CBX5: variants seen among roughly 807,000 people sequenced by gnomAD.
CBX5 encodes chromobox protein homolog 5.
CBX5 carries 7 observed loss-of-function variants against 20.7 expected under a neutral mutation model. The ratio of observed to expected loss-of-function variants is 0.34; its 90% CI spans 0.19 to 0.63. The LOEUF (loss-of-function observed/expected upper bound fraction) is 0.63. CBX5 is among the 30% of genes least tolerant of loss of function. The probability of loss-of-function intolerance (pLI) is 0.75; values close to 1 mark genes in which losing one functional copy is unlikely to be tolerated. For missense variants in CBX5, 110 were observed against 224.1 expected (o/e 0.49, Z 3.25); for synonymous variants, 78 against 77.0 (o/e 1.01, Z -0.07).
At chr12:54,250,528 G>A (rs927930225) in intron 3 of CBX5, among the ~76,000 whole-genome samples, 20 of 152,118 alleles carry the variant, frequency 1.3e-4, no homozygotes, top group African/African-American at 3.4e-4. Flanking sequence ...GGCCGGGGCC[G>A]GGCGCGGTGG....
chr12:54,261,295 TC>T (rs1402901782), intron 1 of CBX5, among the ~76,000 whole-genome samples: 2 of 151,690 alleles, frequency 1.3e-5, no homozygotes, highest in African/African-American at 2.4e-5. Context: ...GAAATTTTTT[TC>T]TTTTTTCTTT....
At chr12:54,272,475 G>C (rs547716313) in intron 1 of CBX5, 1 of 152,248 alleles carries the variant, frequency 6.6e-6, no homozygotes, top group South Asian at 2.1e-4. Context: ...GTTTAATTTT[G>C]ATGAACTACT....
At chr12:54,273,556 C>T (rs1159555720) in intron 1 of CBX5, 1 of 152,144 alleles carries the variant, frequency 6.6e-6, no homozygotes, top group Non-Finnish European at 1.5e-5. Flanking sequence ...AGAAATTTAT[C>T]CTGGTTCATC....
intron 1 of CBX5, among the ~76,000 whole-genome samples, chr12:54,266,547 G>A (rs1943958508): frequency 6.6e-6 from 1 of 152,110 alleles, no homozygotes; most frequent in Non-Finnish European, 1.5e-5. Context: ...AACATAGTGA[G>A]ACCTCCGCAA....
chr12:54,245,989 A>C, intron 4 of CBX5, 126 bp downstream of exon 4: 1 of 714,110 alleles, frequency 1.4e-6, no homozygotes, highest in Non-Finnish European at 2.5e-6. Context: ...GTCTCAAAAA[A>C]AGAAAGATCT....
chr12:54,267,906 G>C (rs905708471), intron 1 of CBX5, among the ~76,000 whole-genome samples: 2 of 152,212 alleles, frequency 1.3e-5, no homozygotes, highest in African/African-American at 2.4e-5. Context: ...CATTTTGGGA[G>C]GTGGAGGCAG....
chr12:54,273,296 AGCCGGGCACGGTG>A (rs1401452857), intron 1 of CBX5: 1 of 152,072 alleles, frequency 6.6e-6, no homozygotes, highest in Non-Finnish European at 1.5e-5. Flanking sequence ...TACATAAATT[AGCCGGGCACGGTG>A]GCAGGCACCT....
At chr12:54,277,286 C>CTCTG (rs1944078982) in intron 1 of CBX5, 1 of 152,228 alleles carries the variant, frequency 6.6e-6, no homozygotes, top group African/African-American at 2.4e-5. Flanking sequence ...TCACTGCAAC[C>CTCTG]TCTGCTTCCT....
chr12:54,271,720 A>G (rs1944012327), intron 1 of CBX5: 2 of 152,210 alleles, frequency 1.3e-5, no homozygotes, highest in Admixed American at 1.3e-4. Flanking sequence ...GAATTTATTC[A>G]TTTATTATAT....
intron 3 of CBX5, among the ~76,000 whole-genome samples, chr12:54,250,975 C>T (rs1943794539): frequency 1.3e-5 from 2 of 150,866 alleles, no homozygotes; most frequent in Non-Finnish European, 3.0e-5. Context: ...ACTAAAGATA[C>T]AAAAAATTAG....
intron 1 of CBX5, among the ~76,000 whole-genome samples, chr12:54,269,963 C>G (rs1444705627): frequency 2.0e-5 from 3 of 152,070 alleles, no homozygotes; most frequent in African/African-American, 7.2e-5. Context: ...GTATTCGTAT[C>G]GTTTTTCAAA....
rs773192089 is a variant in CBX5, at chr12:54,240,267, T to A, written c.*1488A>T. 1 of 152,122 alleles carries A rather than the reference T, an allele frequency of 6.6e-6. No homozygotes were observed. Among genetic ancestry groups the A allele is most frequent in the Non-Finnish European group, 1.5e-5 (1 of 68,018 alleles). 9.4% of individuals were successfully genotyped at this position (152,122 alleles called of 1,614,324 possible). ...GGATATGATCAGACAAATTTCTCAATAGCAACACAAGAAGAAACCAAAACG... is the reference window on the plus strand; with the variant it reads ...GGATATGATCAGACAAATTTCTCAAAAGCAACACAAGAAGAAACCAAAACG... On this transcript the variant is annotated 3_prime_UTR_variant, in exon 5 of 5. Coordinates refer to ENST00000209875, the MANE Select transcript of CBX5 (RefSeq NM_012117.3).
rs1943629858 is a variant in CBX5 at position 54,237,010 on chromosome 12, G to A, written c.*4745C>T. 1 of 152,224 alleles carries A rather than the reference G, an allele frequency of 6.6e-6. No individual in the cohort carries two copies. Among genetic ancestry groups the A allele is most frequent in the Non-Finnish European group, 1.5e-5 (1 of 68,074 alleles). The allele number at this position is 152,224 out of a possible 1,614,324, so 9.4% of individuals were successfully genotyped here. A position where few individuals can be genotyped will look rare whatever the true frequency, so the allele number is the denominator to read the frequency against. On this transcript the variant is annotated 3_prime_UTR_variant, in exon 5 of 5. Transcript: ENST00000209875. ...AAGAATAATAAATGCCTAAGTTACAGGGACAGAACCAATCTTTCATTAATG... is the reference window on the plus strand; with the variant it reads ...AAGAATAATAAATGCCTAAGTTACAAGGACAGAACCAATCTTTCATTAATG...
intron 1 of CBX5, among the ~76,000 whole-genome samples, chr12:54,274,929 G>A (rs368929286): frequency 1.3e-5 from 2 of 152,004 alleles, no homozygotes; most frequent in Admixed American, 6.6e-5. Flanking sequence ...GACAGAGCGC[G>A]ACTCTGTCTC....
At chr12:54,247,147 A>G (rs1943745513) in intron 3 of CBX5, among the ~76,000 whole-genome samples, 1 of 152,208 alleles carries the variant, frequency 6.6e-6, no homozygotes, top group South Asian at 2.1e-4. Context: ...GCTTGGTTAG[A>G]GAGAAGGCCC....
Position 54,233,428 on chromosome 12 carries a change from G to A in CBX5, c.*8327C>T, listed in dbSNP as rs780251881. On this transcript the variant is annotated 3_prime_UTR_variant, in exon 5 of 5. Transcript: ENST00000209875. ...CAAACTCACCACCAGCCCTCGTTTA[G>A]AATCCAATCCTAAAGCTACCGGAAA... 3.9e-5 allele frequency: 6 copies of A among 152,206 alleles called. No homozygotes were observed. The highest frequency in any genetic ancestry group is 8.8e-5 in the Non-Finnish European group (6 of 68,048). 9.4% of individuals were successfully genotyped at this position (152,206 alleles called of 1,614,324 possible).
intron 4 of CBX5, among the ~76,000 whole-genome samples, chr12:54,243,322 T>G (rs1162478919): frequency 6.6e-6 from 1 of 152,080 alleles, no homozygotes; most frequent in African/African-American, 2.4e-5. Context: ...ATACCTATAA[T>G]CCCAGCACTT....
At chr12:54,243,105 C>A (rs747430308) in intron 4 of CBX5, among the ~76,000 whole-genome samples, 8 of 151,928 alleles carry the variant, frequency 5.3e-5, no homozygotes, top group Middle Eastern at 6.8e-3. Flanking sequence ...GCCTGGGCAA[C>A]AGAGTGAGAC....
At chr12:54,253,401 T>C (rs1565869962) in intron 2 of CBX5, among the ~76,000 whole-genome samples, 1 of 151,954 alleles carries the variant, frequency 6.6e-6, no homozygotes, top group Non-Finnish European at 1.5e-5. Context: ...GGCAACAGAC[T>C]GAGACTCTAT....
Sources: allele counts gnomAD v4.1 joint callset (sites outside exome capture counted in the v4.1 genomes callset), GRCh38; gene constraint gnomAD v4.1.1; transcripts MANE v1.5; gene names NCBI Gene and HGNC (gene_info 2026-07-23, HGNC 2026-07-21).